Variants in DMD observed in about 807,000 individuals in gnomAD.
DMD encodes mutant dystrophin.
In DMD, 63 loss-of-function variants were observed where a neutral mutation model predicts 330.1. The ratio of observed to expected loss-of-function variants is 0.19; its 90% CI spans 0.16 to 0.24. The LOEUF (loss-of-function observed/expected upper bound fraction) is 0.24. Among genes scored for constraint, DMD ranks in the 10% least tolerant of loss-of-function variants. The pLI is 1.00. For synonymous variants in DMD, 1,223 were observed against 959.8 expected (o/e 1.27, Z -5.07); for missense variants, 3,344 against 2,684.1 (o/e 1.25, Z -5.43).
Position 31,223,247 on chromosome X carries a change from T to C in DMD, c.9287-126A>G, listed in dbSNP as rs775157662. The C allele has an allele frequency of 1.5e-3, 867 of 582,700 alleles. 4 individuals are homozygous for C. Among genetic ancestry groups the C allele is most frequent in the Non-Finnish European group, 2.2e-3 (752 of 341,003 alleles). 48.0% of individuals were successfully genotyped at this position (582,700 alleles called of 1,213,427 possible). A position where few individuals can be genotyped will look rare whatever the true frequency, so the allele number is the denominator to read the frequency against. ...AAAATAGCCTAGAAAACATATAGTG[T>C]GTATACGCCAAGCTTTCGGAGGTGA... is the stretch of plus-strand genomic sequence containing the variant. On this transcript the variant is annotated intron_variant, in intron 63 of 78. Coordinates refer to ENST00000357033, the MANE Select transcript of DMD (RefSeq NM_004006.3).
chrX:32,868,032 C>G (rs1375176269), intron 2 of DMD, among the ~76,000 whole-genome samples: 2 of 109,972 alleles, frequency 1.8e-5, no homozygotes, highest in Admixed American at 9.6e-5. Flanking sequence ...CAGAGGTGTC[C>G]AGGTTCTCTC....
At chrX:32,468,992 C>T (rs2040343782) in intron 22 of DMD, among the ~76,000 whole-genome samples, 1 of 110,520 alleles carries the variant, frequency 9.0e-6, no homozygotes, top group Non-Finnish European at 1.9e-5. Flanking sequence ...AGTTTTGGTG[C>T]ATCTAATTTT....
intron 44 of DMD, among the ~76,000 whole-genome samples, chrX:32,009,998 C>T (rs1297225287): frequency 9.0e-6 from 1 of 111,667 alleles, no homozygotes; most frequent in Non-Finnish European, 1.9e-5. Flanking sequence ...TTTAACTATA[C>T]TGCTTAATCC....
intron 60 of DMD, among the ~76,000 whole-genome samples, chrX:31,374,593 G>C (rs1373287963): frequency 1.0e-5 from 1 of 98,447 alleles, no homozygotes; most frequent in African/African-American, 3.7e-5. Context: ...AACACCGCAT[G>C]TTCTCACTCA....
chrX:32,715,792 A>C (rs750852825), intron 7 of DMD, among the ~76,000 whole-genome samples: 15 of 111,170 alleles, frequency 1.3e-4, no homozygotes, highest in Non-Finnish European at 2.5e-4. Flanking sequence ...TTCATCTCAA[A>C]ACAGAAACAC....
At chrX:32,381,073 A>G (rs985733786) in intron 33 of DMD, among the ~76,000 whole-genome samples, 4 of 111,797 alleles carry the variant, frequency 3.6e-5, no homozygotes, top group Non-Finnish European at 5.7e-5. Flanking sequence ...TCCTCTATAT[A>G]CAAGTGAGAC....
intron 44 of DMD, among the ~76,000 whole-genome samples, chrX:32,210,819 C>T (rs2097091015): frequency 1.8e-5 from 2 of 111,387 alleles, no homozygotes; most frequent in South Asian, 3.8e-4. Context: ...TTCTGGGCTG[C>T]GAGTGCTGAA....
chrX:33,171,635 C>T (rs1418061125), intron 1 of DMD, among the ~76,000 whole-genome samples: 1 of 111,327 alleles, frequency 9.0e-6, no homozygotes, highest in Non-Finnish European at 1.9e-5. Flanking sequence ...CTCAGGTACC[C>T]TGTCTTATAC....
At chrX:32,661,617 A>G (rs1005013753) in intron 9 of DMD, among the ~76,000 whole-genome samples, 1 of 111,739 alleles carries the variant, frequency 8.9e-6, no homozygotes. Flanking sequence ...ATTTTATGTG[A>G]ATGTGATCAT....
chrX:31,183,050 C>T, intron 67 of DMD, 146 bp from the exon 68 acceptor site: 1 of 523,522 alleles, frequency 1.9e-6, no homozygotes, highest in South Asian at 3.3e-5. Context: ...GCTGGCTTTT[C>T]ACAGCTTGTT....
At chrX:32,915,178 T>C (rs760501016) in intron 2 of DMD, among the ~76,000 whole-genome samples, 1 of 112,079 alleles carries the variant, frequency 8.9e-6, no homozygotes, top group South Asian at 3.7e-4. Context: ...ATGAGGAAGC[T>C]GTGCTTTATG....
intron 49 of DMD, among the ~76,000 whole-genome samples, chrX:31,823,857 A>C (rs1255703928): frequency 9.0e-6 from 1 of 111,699 alleles, no homozygotes; most frequent in Admixed American, 9.5e-5. Context: ...TACAGGTGTG[A>C]GCCACCACAC....
At chrX:31,178,869 C>G (rs1045151425) in intron 69 of DMD, 64 bp from the exon 70 acceptor site, 1 of 1,138,392 alleles carries the variant, frequency 8.8e-7, no homozygotes, top group Non-Finnish European at 1.2e-6. Context: ...AATGACCACT[C>G]CAGTCTTCTG....
intron 7 of DMD, among the ~76,000 whole-genome samples, chrX:32,703,943 C>G (rs1052965204): frequency 5.3e-4 from 59 of 111,580 alleles, no homozygotes; most frequent in Non-Finnish European, 9.4e-4. Context: ...CAAGACTCTA[C>G]TACATAAAAT....
chrX:32,688,177 C>T (rs1456336346), intron 9 of DMD, among the ~76,000 whole-genome samples: 2 of 110,345 alleles, frequency 1.8e-5, no homozygotes, highest in Admixed American at 9.7e-5. Flanking sequence ...TTCTAGGAAC[C>T]GACAAATCCC....
intron 1 of DMD, among the ~76,000 whole-genome samples, chrX:33,253,362 T>G (rs1008329900): frequency 9.0e-6 from 1 of 111,702 alleles, no homozygotes; most frequent in African/African-American, 3.2e-5. Flanking sequence ...CAATTGATTA[T>G]GAAGACACGA....
chrX:31,951,171 A>ATG (rs2095171848), intron 45 of DMD, among the ~76,000 whole-genome samples: 2 of 93,300 alleles, frequency 2.1e-5, no homozygotes, highest in East Asian at 3.0e-4. Flanking sequence ...ATATATATAT[A>ATG]TATGTATATA....
At chrX:31,326,786 C>T (rs1269611058) in intron 61 of DMD, among the ~76,000 whole-genome samples, 1 of 111,258 alleles carries the variant, frequency 9.0e-6, no homozygotes, top group Non-Finnish European at 1.9e-5. Flanking sequence ...TTTGGGGCTG[C>T]CAGATGATTC....
chrX:32,730,869 T>C (rs1051009818), intron 7 of DMD, among the ~76,000 whole-genome samples: 28 of 111,731 alleles, frequency 2.5e-4, no homozygotes, highest in South Asian at 1.1e-3. Context: ...AAATTAAAAC[T>C]TGAAATATTG....
Sources: allele counts gnomAD v4.1 joint callset (sites outside exome capture counted in the v4.1 genomes callset), GRCh38; gene constraint gnomAD v4.1.1; transcripts MANE v1.5; gene names NCBI Gene and HGNC (gene_info 2026-07-23, HGNC 2026-07-21).